Variants in CACNB2 observed in about 807,000 individuals in gnomAD.
The protein encoded by CACNB2 is voltage-dependent L-type calcium channel subunit beta-2.
Under a neutral mutation model 73.3 loss-of-function variants are expected in CACNB2, and 42 were observed. The ratio of observed to expected loss-of-function variants is 0.57; its 90% confidence interval spans 0.45 to 0.74. CACNB2 has a LOEUF of 0.74. CACNB2 is among the 30% of genes least tolerant of loss of function. The pLI, the probability that CACNB2 is intolerant of heterozygous loss-of-function variation, is 0.00. For missense variants in CACNB2, 940 were observed against 853.0 expected, an observed-to-expected ratio of 1.10 and a Z score of -1.27; for synonymous variants, 348 against 310.3, an observed-to-expected ratio of 1.12 and a Z score of -1.28.
chr10:18,514,470 G>GT (rs2051079317), intron 7 of CACNB2, 101 bp downstream of exon 7: 20 of 1,613,668 alleles, frequency 1.2e-5, no homozygotes, highest in Non-Finnish European at 1.7e-5. Context: ...AGCCAATAAC[G>GT]TGCATGCTCT....
Position 18,539,684 on chromosome 10 carries a change from A to C in CACNB2, c.1943A>C (p.Glu648Ala). Residue 648 changes from glutamate (E) to alanine (A), a missense_variant, in exon 14 of 14, where the codon GAG (glutamate) becomes GCG (alanine). Physicochemically the swap from Glu to Ala is moderately radical, Grantham distance 107 (BLOSUM62 -1). Coordinates refer to ENST00000324631, the MANE Select transcript of CACNB2 (RefSeq NM_201596.3). ...GAAGTGATATCAAAAAAACGGAATG[A>C]GGCTGGGGAGTGGAACAGGGATGTT... ...DGEVISKKRN[E>A]AGEWNRDVYI... The C allele has an allele frequency of 6.2e-7, 1 of 1,610,702 alleles. No individual in the cohort carries two copies. The highest frequency in any genetic ancestry group is 8.5e-7 in the Non-Finnish European group (1 of 1,179,174).
chr10:18,540,681 G>C lies in CACNB2; in HGVS notation c.*957G>C, dbSNP rs2054024547. On this transcript the variant is annotated 3_prime_UTR_variant, in exon 14 of 14. Transcript: ENST00000324631. ...GTAGCTAGTGTCTGTTCTAGTCACT[G>C]CACTGGAGTCTACGAGCCGGAACTC... 1.3e-5 allele frequency: 2 copies of C among 152,580 alleles called. No individual in the cohort carries two copies. The highest frequency in any genetic ancestry group is 4.8e-5 in the African/African-American group (2 of 41,436). 9.5% of individuals were successfully genotyped at this position (152,580 alleles called of 1,614,324 possible). A position where few individuals can be genotyped will look rare whatever the true frequency, so the allele number is the denominator to read the frequency against.
chr10:18,517,902 G>A (rs1453761642), intron 7 of CACNB2, among the ~76,000 whole-genome samples: 2 of 152,202 alleles, frequency 1.3e-5, no homozygotes, highest in Non-Finnish European at 2.9e-5. Context: ...CAAAGGTAAT[G>A]CAATCTTTCT....
chr10:18,141,740 G>C (rs753902532), intron 1 of CACNB2, among the ~76,000 whole-genome samples: 4 of 152,224 alleles, frequency 2.6e-5, no homozygotes, highest in Non-Finnish European at 5.9e-5. Context: ...TCAGCGATGA[G>C]GAGTCGCTCA....
At chr10:18,506,631 C>A in intron 6 of CACNB2, 84 bp downstream of exon 6, 2 of 837,640 alleles carry the variant, frequency 2.4e-6, no homozygotes, top group Non-Finnish European at 2.1e-6. Flanking sequence ...TTTACGTATA[C>A]ACTGAATCAC....
intron 2 of CACNB2, among the ~76,000 whole-genome samples, chr10:18,399,736 A>G (rs1157125653): frequency 6.6e-6 from 1 of 152,050 alleles, no homozygotes. Context: ...TATTTGTACA[A>G]AATATTCTCC....
chr10:18,181,151 A>G (rs1046360541), intron 2 of CACNB2, among the ~76,000 whole-genome samples: 2 of 150,804 alleles, frequency 1.3e-5, no homozygotes, highest in Non-Finnish European at 2.9e-5. Context: ...CTTGGTATCC[A>G]TTGACCCAGG....
chr10:18,233,975 A>G (rs2036326219), intron 2 of CACNB2, among the ~76,000 whole-genome samples: 1 of 152,050 alleles, frequency 6.6e-6, no homozygotes, highest in African/African-American at 2.4e-5. Flanking sequence ...ACTGTTGCAA[A>G]CCTAAGACTG....
chr10:18,152,429 T>C (rs2031640612), intron 2 of CACNB2, among the ~76,000 whole-genome samples: 1 of 151,900 alleles, frequency 6.6e-6, no homozygotes, highest in Non-Finnish European at 1.5e-5. Context: ...CCTAGAGCTA[T>C]GTTCTAATGG....
At chr10:18,239,879 A>G (rs2036582623) in intron 2 of CACNB2, among the ~76,000 whole-genome samples, 1 of 152,170 alleles carries the variant, frequency 6.6e-6, no homozygotes, top group Admixed American at 6.5e-5. Context: ...AGAGCTTGTG[A>G]AATCCAAGTC....
chr10:18,417,078 T>C (rs1205929211), intron 3 of CACNB2, among the ~76,000 whole-genome samples: 1 of 151,650 alleles, frequency 6.6e-6, no homozygotes, highest in African/African-American at 2.4e-5. Flanking sequence ...TGTTTCCTCT[T>C]TGTTTCATGC....
chr10:18,183,769 A>T (rs1390989674), intron 2 of CACNB2, among the ~76,000 whole-genome samples: 2 of 152,182 alleles, frequency 1.3e-5, no homozygotes, highest in Admixed American at 1.3e-4. Context: ...ATGGAAGTGC[A>T]GGGATTCTCC....
At chr10:18,176,231 G>T (rs1271446832) in intron 2 of CACNB2, among the ~76,000 whole-genome samples, 1 of 152,136 alleles carries the variant, frequency 6.6e-6, no homozygotes, top group Non-Finnish European at 1.5e-5. Flanking sequence ...TATTGCGGGG[G>T]TCAGTAACCC....
At chr10:18,371,412 G>A (rs536253118) in intron 2 of CACNB2, among the ~76,000 whole-genome samples, 1 of 152,076 alleles carries the variant, frequency 6.6e-6, no homozygotes, top group East Asian at 1.9e-4. Flanking sequence ...CTGTGTCCAT[G>A]TGTTCTCATT....
intron 2 of CACNB2, among the ~76,000 whole-genome samples, chr10:18,272,025 CTTTCTTT>C (rs1021630210): frequency 6.6e-6 from 1 of 151,766 alleles, no homozygotes; most frequent in African/African-American, 2.4e-5. Flanking sequence ...TTCTTTCTTC[CTTTCTTT>C]TTTCTTTTTT....
intron 3 of CACNB2, among the ~76,000 whole-genome samples, chr10:18,490,775 CT>C (rs1245251066): frequency 6.8e-6 from 1 of 147,876 alleles, no homozygotes; most frequent in Non-Finnish European, 1.5e-5. Flanking sequence ...ATTTCTGTAT[CT>C]GTGCTTTCTG....
intron 3 of CACNB2, among the ~76,000 whole-genome samples, chr10:18,447,891 G>C (rs551773748): frequency 6.6e-6 from 1 of 152,180 alleles, no homozygotes; most frequent in African/African-American, 2.4e-5. Context: ...CCAAACCCGA[G>C]AGCTATTTTT....
At chr10:18,324,523 AAAT>A (rs1240037915) in intron 2 of CACNB2, among the ~76,000 whole-genome samples, 1 of 152,250 alleles carries the variant, frequency 6.6e-6, no homozygotes, top group East Asian at 1.9e-4. Context: ...AAAGTAACAG[AAAT>A]AATATGTTTT....
chr10:18,421,425 G>A (rs1328461295), intron 3 of CACNB2, among the ~76,000 whole-genome samples: 1 of 151,810 alleles, frequency 6.6e-6, no homozygotes, highest in Non-Finnish European at 1.5e-5. Flanking sequence ...AGCCTCCGGA[G>A]TAGCTGGGAT....
Sources: allele counts gnomAD v4.1 joint callset (sites outside exome capture counted in the v4.1 genomes callset), GRCh38; gene constraint gnomAD v4.1.1; transcripts MANE v1.5; gene names NCBI Gene and HGNC (gene_info 2026-07-23, HGNC 2026-07-21).